PLEKHA8: variants seen among roughly 807,000 people sequenced by gnomAD.
The protein encoded by PLEKHA8 is pleckstrin homology domain-containing family A member 8.
Under a neutral mutation model 68.2 loss-of-function variants are expected in PLEKHA8, and 36 were observed. That is an observed-to-expected ratio of 0.53 (90% CI 0.40 to 0.70). The LOEUF (loss-of-function observed/expected upper bound fraction) is 0.70, where lower values mean the gene tolerates loss of function less well. Ranked by LOEUF, PLEKHA8 falls within the 30% of genes least tolerant of loss-of-function variation. The pLI, the probability that PLEKHA8 is intolerant of heterozygous loss-of-function variation, is 0.00. For synonymous variants in PLEKHA8, 211 were observed against 216.1 expected (o/e 0.98, Z 0.20); for missense variants, 505 against 615.4 (o/e 0.82, Z 1.90).
At position 30,081,320 on chromosome 7, in the gene PLEKHA8, A is replaced by T. The variant is rs1254321737; in HGVS notation, c.*2533A>T. ...TAAGATGTATAAAAGTTTGTTTAAG[A>T]TGTGTAAAAGTTTGCTTAAGGAACT... On this transcript the variant is annotated 3_prime_UTR_variant, in exon 14 of 14. Transcript: ENST00000449726. The T allele has an allele frequency of 2.0e-6, 2 of 985,060 alleles. No homozygotes were observed. The highest frequency in any genetic ancestry group is 3.5e-5 in the African/African-American group (2 of 57,350). 61.0% of individuals were successfully genotyped at this position (985,060 alleles called of 1,614,324 possible).
chr7:30,069,241 TG>T (rs1352046008), intron 12 of PLEKHA8, among the ~76,000 whole-genome samples: 1 of 152,232 alleles, frequency 6.6e-6, no homozygotes, highest in African/African-American at 2.4e-5. Context: ...TCAAATCTCC[TG>T]GTTCCTAATT....
intron 12 of PLEKHA8, chr7:30,071,743 A>G (rs1794250855): frequency 6.6e-6 from 1 of 152,226 alleles, no homozygotes; most frequent in Non-Finnish European, 1.5e-5. Context: ...TTATAATGGC[A>G]TTTAATGCCC....
At chr7:30,115,305 C>G (rs1352233551) in intron 13 of PLEKHA8, among the ~76,000 whole-genome samples, 2 of 152,008 alleles carry the variant, frequency 1.3e-5, no homozygotes, top group African/African-American at 4.8e-5. Context: ...TCTTGGTAAG[C>G]CTGATTTAAA....
In PLEKHA8 at chr7:30,052,999, T is replaced by C. The variant is rs983359965; in HGVS notation, c.796+133T>C. The stretch of plus-strand genomic sequence containing the variant: ...TCTGCTAAGGAGGATATTGGCTGGG[T>C]AAGATAAGTCATATGACTGAACAAC... On this transcript the variant is annotated intron_variant, in intron 7 of 13. Coordinates refer to ENST00000449726, the MANE Select transcript of PLEKHA8 (RefSeq NM_001197026.2). 5 of 683,518 alleles carry C rather than the reference T, an allele frequency of 7.3e-6. No homozygotes were observed. The East Asian group carries it at 1.7e-4, about 24-fold the overall frequency. The allele number at this position is 683,518 out of a possible 1,614,324, so 42.3% of individuals were successfully genotyped here.
intron 6 of PLEKHA8, among the ~76,000 whole-genome samples, 180 bp from the exon 7 acceptor site, chr7:30,052,529 A>G (rs896474012): frequency 4.0e-5 from 6 of 151,330 alleles, no homozygotes; most frequent in African/African-American, 9.7e-5. Context: ...CGAGCTACTC[A>G]GGGTGGAGTG....
intron 5 of PLEKHA8, among the ~76,000 whole-genome samples, chr7:30,050,146 TACAA>T (rs1381025162): frequency 3.9e-5 from 6 of 152,226 alleles, no homozygotes; most frequent in African/African-American, 4.8e-5. Flanking sequence ...TAACTGAAAT[TACAA>T]AGAAATCTAA....
At chr7:30,124,669 T>C (rs1796744045) in intron 13 of PLEKHA8, among the ~76,000 whole-genome samples, 1 of 152,188 alleles carries the variant, frequency 6.6e-6, no homozygotes, top group Non-Finnish European at 1.5e-5. Flanking sequence ...CCAGAATAAT[T>C]TCCTGTGCTT....
chr7:30,030,998 G>A (rs376424115), intron 1 of PLEKHA8, among the ~76,000 whole-genome samples: 1 of 152,138 alleles, frequency 6.6e-6, no homozygotes, highest in East Asian at 1.9e-4. Context: ...AAGGTAGTAC[G>A]TAACCCATGC....
At position 30,078,911 on chromosome 7, in the gene PLEKHA8, G is replaced by A. The variant is rs905923661; in HGVS notation, c.*124G>A. The A allele has an allele frequency of 1.5e-4, 218 of 1,445,222 alleles. No individual in the cohort carries two copies. The African/African-American group carries it at 3.0e-3, about 20-fold the overall frequency. 89.5% of individuals were successfully genotyped at this position (1,445,222 alleles called of 1,614,324 possible). On this transcript the variant is annotated 3_prime_UTR_variant, in exon 14 of 14. Transcript: ENST00000449726. ...CTTCACCTGGGGGGATGGACAGGAG[G>A]TGGCAAAACCCAGTGCTTTTATAAT...
At position 30,102,573 on chromosome 7, in the gene PLEKHA8, A is replaced by G. The variant is rs559169579; in HGVS notation, c.1363-26693A>G. 9.8e-5 allele frequency among the ~76,000 whole-genome samples: 15 copies of G among 152,378 alleles called. No individual in the cohort carries two copies. In the South Asian group the frequency reaches 2.9e-3, roughly 29 times the overall value. ...AAACAAAATGTGGTATATACAAACA[A>G]CGGGATATTATTTGGCCATAGGAAA... is the stretch of plus-strand genomic sequence containing the variant. On this transcript the variant is annotated intron_variant, in intron 13 of 13. Transcript: ENST00000396257.
chr7:30,086,046 T>G (rs1795169726), downstream of PLEKHA8, among the ~76,000 whole-genome samples: 1 of 152,196 alleles, frequency 6.6e-6, no homozygotes, highest in Non-Finnish European at 1.5e-5. Flanking sequence ...CTTGACCTTT[T>G]TACTTGCACT....
downstream of PLEKHA8, among the ~76,000 whole-genome samples, chr7:30,093,942 T>A (rs935688644): frequency 1.6e-4 from 24 of 152,230 alleles, no homozygotes; most frequent in Admixed American, 9.2e-4. Flanking sequence ...TTTTGTTTCC[T>A]AGTCAGTGAG....
At chr7:30,043,512 C>G (rs956118268) in intron 1 of PLEKHA8, among the ~76,000 whole-genome samples, 1 of 152,056 alleles carries the variant, frequency 6.6e-6, no homozygotes, top group Admixed American at 6.5e-5. Flanking sequence ...AAGATAAGTT[C>G]AGATATTATG....
intron 13 of PLEKHA8, among the ~76,000 whole-genome samples, chr7:30,121,510 T>G (rs1231661301): frequency 6.6e-6 from 1 of 152,062 alleles, no homozygotes; most frequent in Non-Finnish European, 1.5e-5. Flanking sequence ...GAGCCTATAA[T>G]CCCAGCTACT....
chr7:30,121,366 C>T (rs1277853717), intron 13 of PLEKHA8, among the ~76,000 whole-genome samples: 1 of 152,136 alleles, frequency 6.6e-6, no homozygotes, highest in African/African-American at 2.4e-5. Context: ...CAGTGGCTCC[C>T]ACCTGTAATT....
intron 12 of PLEKHA8, chr7:30,069,711 G>A (rs1794109190): frequency 6.6e-6 from 1 of 152,132 alleles, no homozygotes; most frequent in Non-Finnish European, 1.5e-5. Flanking sequence ...TTGACAGAAT[G>A]GTGTGATGCA....
In PLEKHA8 at chr7:30,028,646, C is replaced by T; in HGVS notation, c.-117C>T. The T allele has an allele frequency of 1.2e-6, 1 of 811,830 alleles. No homozygotes were observed. Among genetic ancestry groups the T allele is most frequent in the Non-Finnish European group, 1.7e-6 (1 of 603,508 alleles). 50.3% of individuals were successfully genotyped at this position (811,830 alleles called of 1,614,324 possible). A position where few individuals can be genotyped will look rare whatever the true frequency, so the allele number is the denominator to read the frequency against. ...GGCGTCCCCACACCGGGCCCGGGCG[C>T]CGGGAGTGGGCGTCTGGGCAGCGCC... On this transcript the variant is annotated 5_prime_UTR_variant, in exon 1 of 14. Transcript: ENST00000449726.
At chr7:30,046,176 C>G in intron 2 of PLEKHA8, 34 bp from the exon 3 acceptor site, 1 of 1,522,424 alleles carries the variant, frequency 6.6e-7, no homozygotes, top group Non-Finnish European at 8.8e-7. Context: ...CAGGGCTCTT[C>G]TGAGTCTCTG....
intron 1 of PLEKHA8, among the ~76,000 whole-genome samples, chr7:30,044,259 C>G (rs969863722): frequency 1.3e-5 from 2 of 152,140 alleles, no homozygotes; most frequent in Non-Finnish European, 2.9e-5. Context: ...TCCACCTCGA[C>G]CTCCCAAAGT....
Sources: gnomAD v4.1 joint callset for allele counts (sites outside exome capture counted in the v4.1 genomes callset) on GRCh38, gnomAD v4.1.1 for gene constraint, MANE v1.5 for transcripts, NCBI Gene and HGNC (gene_info 2026-07-23, HGNC 2026-07-21) for gene names.